Variants in OLFM3 observed in about 807,000 individuals in gnomAD.
OLFM3 encodes the protein olfactomedin 3, also known as noelin-3.
OLFM3 carries 20 observed loss-of-function variants against 48.6 expected under a neutral mutation model. That is an observed-to-expected ratio of 0.41 (90% CI 0.29 to 0.60). The LOEUF (loss-of-function observed/expected upper bound fraction) is 0.60, where lower values mean the gene tolerates loss of function less well. Among genes scored for constraint, OLFM3 ranks in the 20% least tolerant of loss-of-function variants. The pLI, the probability that OLFM3 is intolerant of heterozygous loss-of-function variation, is 0.28. For missense variants in OLFM3, 437 were observed against 544.3 expected, an observed-to-expected ratio of 0.80 and a Z score of 1.96; for synonymous variants, 222 against 198.1, an observed-to-expected ratio of 1.12 and a Z score of -1.01.
At chr1:101,949,702 G>A (rs958134904) in intron 1 of OLFM3, among the ~76,000 whole-genome samples, 1 of 152,008 alleles carries the variant, frequency 6.6e-6, no homozygotes, top group Admixed American at 6.5e-5. Context: ...AGGCTGAGGC[G>A]GGTGGATCAC....
intron 1 of OLFM3, among the ~76,000 whole-genome samples, chr1:101,983,022 TTAAGA>T (rs1401499298): frequency 2.0e-5 from 3 of 152,206 alleles, no homozygotes; most frequent in African/African-American, 7.2e-5. Context: ...TTGTTTGGAG[TTAAGA>T]TAACTAAATT....
chr1:101,869,729 T>A (rs1435198565), intron 1 of OLFM3, among the ~76,000 whole-genome samples: 1 of 152,184 alleles, frequency 6.6e-6, no homozygotes, highest in Non-Finnish European at 1.5e-5. Context: ...TGGGAGGTAA[T>A]TGAATCATGG....
intron 1 of OLFM3, among the ~76,000 whole-genome samples, chr1:101,903,050 G>A (rs1658440131): frequency 1.3e-5 from 2 of 152,086 alleles, no homozygotes; most frequent in Non-Finnish European, 2.9e-5. Context: ...TGTATTTAGT[G>A]TGGTTTTGTG....
chr1:101,991,986 A>G (rs1661425207), intron 1 of OLFM3, among the ~76,000 whole-genome samples: 1 of 152,180 alleles, frequency 6.6e-6, no homozygotes, highest in African/African-American at 2.4e-5. Flanking sequence ...AAATGGTCAA[A>G]TATTATTAAA....
chr1:101,905,794 T>C (rs1012144797), intron 1 of OLFM3, among the ~76,000 whole-genome samples: 4 of 152,142 alleles, frequency 2.6e-5, no homozygotes, highest in East Asian at 1.9e-4. Context: ...CACACACCGA[T>C]TGGCCCAAAT....
intron 1 of OLFM3, among the ~76,000 whole-genome samples, chr1:101,987,805 C>T (rs1661289812): frequency 6.6e-6 from 1 of 152,170 alleles, no homozygotes; most frequent in African/African-American, 2.4e-5. Flanking sequence ...CAATTTATGT[C>T]CTCCCTTTGG....
At chr1:101,956,359 T>C (rs1362765868) in intron 1 of OLFM3, among the ~76,000 whole-genome samples, 1 of 151,812 alleles carries the variant, frequency 6.6e-6, no homozygotes, top group African/African-American at 2.4e-5. Flanking sequence ...CCACCCGTCA[T>C]CATTTGTCTT....
chr1:101,871,048 A>G (rs1657064529), intron 1 of OLFM3, among the ~76,000 whole-genome samples: 1 of 152,124 alleles, frequency 6.6e-6, no homozygotes, highest in African/African-American at 2.4e-5. Flanking sequence ...TAACTCTTGT[A>G]CATACTCAGT....
intron 1 of OLFM3, among the ~76,000 whole-genome samples, chr1:101,910,414 C>T (rs560273907): frequency 4.7e-5 from 7 of 150,476 alleles, no homozygotes; most frequent in Admixed American, 2.7e-4. Flanking sequence ...TGCAGTGAGC[C>T]GAGATCACGC....
At chr1:101,886,582 C>T (rs1657771102) in intron 1 of OLFM3, among the ~76,000 whole-genome samples, 2 of 152,050 alleles carry the variant, frequency 1.3e-5, no homozygotes, top group South Asian at 4.1e-4. Flanking sequence ...CTGGCTACTG[C>T]AGCCATTCCA....
At chr1:101,862,634 C>A (rs1003966891) in intron 1 of OLFM3, among the ~76,000 whole-genome samples, 22 of 152,158 alleles carry the variant, frequency 1.4e-4, no homozygotes, top group African/African-American at 5.3e-4. Flanking sequence ...AGTCTAGGTG[C>A]AGCACAATCA....
chr1:101,846,650 C>A (rs1656008403), intron 1 of OLFM3, among the ~76,000 whole-genome samples: 1 of 152,014 alleles, frequency 6.6e-6, no homozygotes, highest in African/African-American at 2.4e-5. Flanking sequence ...TAGCTCATTT[C>A]TCAAGCAGTC....
intron 1 of OLFM3, among the ~76,000 whole-genome samples, chr1:101,934,244 C>T (rs566593622): frequency 6.6e-6 from 1 of 152,296 alleles, no homozygotes; most frequent in East Asian, 1.9e-4. Context: ...ATGATACTCA[C>T]AGCCTCAAAT....
At chr1:101,991,381 ATACT>A (rs1307478331) in intron 1 of OLFM3, among the ~76,000 whole-genome samples, 1 of 152,140 alleles carries the variant, frequency 6.6e-6, no homozygotes, top group South Asian at 2.1e-4. Context: ...TGTTTAATTA[ATACT>A]TAAGTAAATC....
chr1:101,900,770 G>A (rs1044376590), intron 1 of OLFM3, among the ~76,000 whole-genome samples: 3 of 152,060 alleles, frequency 2.0e-5, no homozygotes, highest in African/African-American at 7.2e-5. Context: ...GAGGTGGCAA[G>A]GCCAGAATAA....
intron 1 of OLFM3, among the ~76,000 whole-genome samples, chr1:101,903,264 T>C (rs1437641507): frequency 1.3e-5 from 2 of 152,058 alleles, no homozygotes; most frequent in Non-Finnish European, 2.9e-5. Context: ...AGCAAGGGCC[T>C]GGGCAACACA....
intron 1 of OLFM3, among the ~76,000 whole-genome samples, chr1:101,965,484 T>C (rs913816103): frequency 6.6e-6 from 1 of 152,170 alleles, no homozygotes. Context: ...GAAGCAGTTA[T>C]TGTGTAAAAT....
At chr1:101,963,498 C>G (rs184989952) in intron 1 of OLFM3, among the ~76,000 whole-genome samples, 1 of 142,746 alleles carries the variant, frequency 7.0e-6, no homozygotes, top group Admixed American at 7.1e-5. Context: ...CCACAGGCAT[C>G]TGGGGTGAGG....
At chr1:101,871,161 A>T (rs1657069706) in intron 1 of OLFM3, among the ~76,000 whole-genome samples, 1 of 152,120 alleles carries the variant, frequency 6.6e-6, no homozygotes. Flanking sequence ...CCAAGAAAGT[A>T]TAATGCTAAA....
Sources: gnomAD v4.1 joint callset for allele counts (sites outside exome capture counted in the v4.1 genomes callset) on GRCh38, gnomAD v4.1.1 for gene constraint, MANE v1.5 for transcripts, NCBI Gene and HGNC (gene_info 2026-07-23, HGNC 2026-07-21) for gene names.